SLC6A6: variants seen among roughly 807,000 people sequenced by gnomAD.
SLC6A6 encodes the protein sodium- and chloride-dependent taurine transporter.
In SLC6A6, 16 loss-of-function variants were observed where a neutral mutation model predicts 68.8. The observed-to-expected ratio is 0.23, with a 90% CI of 0.16 to 0.35. The LOEUF (loss-of-function observed/expected upper bound fraction) is 0.35. Among genes scored for constraint, SLC6A6 ranks in the 10% least tolerant of loss-of-function variants. The probability of loss-of-function intolerance (pLI) is 1.00; values close to 1 mark genes in which losing one functional copy is unlikely to be tolerated. For missense variants in SLC6A6, 474 were observed against 802.8 expected (o/e 0.59, Z 4.95); for synonymous variants, 312 against 315.4 (o/e 0.99, Z 0.12).
At chr3:14,433,406 G>A (rs1421606444) in intron 2 of SLC6A6, among the ~76,000 whole-genome samples, 2 of 152,148 alleles carry the variant, frequency 1.3e-5, no homozygotes, top group African/African-American at 2.4e-5. Flanking sequence ...TTAGGTCCTT[G>A]GTCAAGGGGA....
intron 5 of SLC6A6, among the ~76,000 whole-genome samples, chr3:14,453,799 C>T (rs1314857774): frequency 6.6e-6 from 1 of 152,222 alleles, no homozygotes; most frequent in South Asian, 2.1e-4. Flanking sequence ...GGGATGTGGC[C>T]TTTGAGCAGA....
rs529146621 is a variant in SLC6A6 at position 14,410,356 on chromosome 3, T to C, written c.-53-6056T>C. ...GATATTGTTCATGACTCTCACATCC[T>C]GGTTTTGTCACAAGTCACTGGAAAG... On this transcript the variant is annotated intron_variant, in intron 1 of 14. Coordinates refer to ENST00000622186, the MANE Select transcript of SLC6A6 (RefSeq NM_003043.6). Among the ~76,000 whole-genome samples, 60 of 152,262 alleles carry C rather than the reference T, an allele frequency of 3.9e-4. No homozygotes were observed. The East Asian group carries it at 0.011, about 27-fold the overall frequency.
At chr3:14,434,416 A>G (rs1699804291) in intron 2 of SLC6A6, among the ~76,000 whole-genome samples, 1 of 152,138 alleles carries the variant, frequency 6.6e-6, no homozygotes, top group Non-Finnish European at 1.5e-5. Context: ...ATAATTGCTC[A>G]TTTATGTGTT....
chr3:14,472,601 G>C lies in SLC6A6; in HGVS notation c.1209+284G>C, dbSNP rs1700777916. ...AGGGGCATCCAGAGGTTCTCGGAGT[G>C]GGTGGGTTATGACAGGGACAACCAG... On this transcript the variant is annotated intron_variant, in intron 10 of 14. Coordinates refer to ENST00000622186, the MANE Select transcript of SLC6A6 (RefSeq NM_003043.6). The surrounding 1 kb of genome is among the most constrained non-coding windows in gnomAD (Gnocchi z 4.5). Among the ~76,000 whole-genome samples, 1 of 152,252 alleles carries C rather than the reference G, an allele frequency of 6.6e-6. No individual in the cohort carries two copies. Among genetic ancestry groups the C allele is most frequent in the South Asian group, 2.1e-4 (1 of 4,838 alleles).
intron 1 of SLC6A6, among the ~76,000 whole-genome samples, chr3:14,408,346 T>C (rs1192877631): frequency 1.3e-5 from 2 of 152,068 alleles, no homozygotes; most frequent in Non-Finnish European, 2.9e-5. Flanking sequence ...TTTCTTTTTT[T>C]TTTTTTGAGA....
chr3:14,442,031 G>A (rs1700001395), intron 2 of SLC6A6, among the ~76,000 whole-genome samples: 1 of 152,244 alleles, frequency 6.6e-6, no homozygotes, highest in East Asian at 1.9e-4. Flanking sequence ...CTGATGAGAA[G>A]ACAAACTCAG....
intron 2 of SLC6A6, among the ~76,000 whole-genome samples, chr3:14,417,848 A>G (rs946207568): frequency 1.3e-5 from 2 of 151,950 alleles, no homozygotes; most frequent in African/African-American, 4.8e-5. Flanking sequence ...TCTTAATGGC[A>G]TTGCACTGAT....
chr3:14,423,300 G>C (rs1261062489), intron 2 of SLC6A6, among the ~76,000 whole-genome samples: 1 of 152,212 alleles, frequency 6.6e-6, no homozygotes, highest in Non-Finnish European at 1.5e-5. Flanking sequence ...TCATGCCTCG[G>C]TGTGATCTCA....
At chr3:14,403,257 T>C (rs1255010603) in intron 1 of SLC6A6, among the ~76,000 whole-genome samples, 1 of 152,040 alleles carries the variant, frequency 6.6e-6, no homozygotes, top group Non-Finnish European at 1.5e-5. Flanking sequence ...ATGTCTGTTA[T>C]TCTCTGCGTG....
chr3:14,421,394 A>G (rs755821822), intron 2 of SLC6A6, among the ~76,000 whole-genome samples: 3 of 152,180 alleles, frequency 2.0e-5, no homozygotes, highest in African/African-American at 7.2e-5. Flanking sequence ...GACTCTGAGC[A>G]CATCGTTTAA....
rs1053041335 is a variant in SLC6A6, at chr3:14,485,609, C to G, written c.*602C>G. 1 of 152,614 alleles carries G rather than the reference C, an allele frequency of 6.6e-6. No homozygotes were observed. Among genetic ancestry groups the G allele is most frequent in the Non-Finnish European group, 1.5e-5 (1 of 68,064 alleles). 9.5% of individuals were successfully genotyped at this position (152,614 alleles called of 1,614,324 possible). ...AGAAAGGAGGGCTGTGAGGAGATACCTCATTAAACTTGGCTTAGTGAAGAA... is the reference window on the plus strand; with the variant it reads ...AGAAAGGAGGGCTGTGAGGAGATACGTCATTAAACTTGGCTTAGTGAAGAA... On this transcript the variant is annotated 3_prime_UTR_variant, in exon 15 of 15. Transcript: ENST00000622186.
chr3:14,428,908 C>A (rs186949482), intron 2 of SLC6A6, among the ~76,000 whole-genome samples: 20 of 152,312 alleles, frequency 1.3e-4, no homozygotes, highest in African/African-American at 4.3e-4. Flanking sequence ...GTGAGGGGAG[C>A]CCCTAAGTCC....
intron 4 of SLC6A6, 61 bp from the exon 5 acceptor site, chr3:14,447,521 G>T: frequency 6.3e-7 from 1 of 1,593,228 alleles, no homozygotes. Context: ...AGTTGAGTAT[G>T]TGGCCGTGGT....
chr3:14,451,951 T>G (rs1700261297), intron 5 of SLC6A6, among the ~76,000 whole-genome samples: 1 of 152,160 alleles, frequency 6.6e-6, no homozygotes, highest in Non-Finnish European at 1.5e-5. Context: ...CTTTCACTTC[T>G]CTTATATGCC....
rs143337684 is a variant in SLC6A6 at position 14,409,621 on chromosome 3, G to A, written c.-54+6774G>A. On this transcript the variant is annotated intron_variant, in intron 1 of 14. Transcript: ENST00000622186. ...GGGCCAGGGCCAAGAGGGCAGGGAGGAATACACAGCACCTGTGCTCAAGGA... is the reference window on the plus strand; with the variant it reads ...GGGCCAGGGCCAAGAGGGCAGGGAGAAATACACAGCACCTGTGCTCAAGGA... Among the ~76,000 whole-genome samples the A allele has an allele frequency of 3.0e-4, 46 of 152,338 alleles. No individual in the cohort carries two copies. In the East Asian group the frequency reaches 7.9e-3, roughly 26 times the overall value.
At chr3:14,418,978 CA>C (rs1234658120) in intron 2 of SLC6A6, among the ~76,000 whole-genome samples, 3 of 152,196 alleles carry the variant, frequency 2.0e-5, no homozygotes, top group Admixed American at 6.5e-5. Context: ...AATGAGTAGT[CA>C]AAGCACCTGG....
chr3:14,478,615 C>A, intron 12 of SLC6A6, 47 bp downstream of exon 12: 5 of 1,176,024 alleles, frequency 4.3e-6, no homozygotes, highest in African/African-American at 1.5e-5. Flanking sequence ...CTCCTTTGGG[C>A]TTCTCTACTT....
chr3:14,427,182 G>T (rs1179278290), intron 2 of SLC6A6, among the ~76,000 whole-genome samples: 1 of 145,654 alleles, frequency 6.9e-6, no homozygotes, highest in Non-Finnish European at 1.5e-5. Flanking sequence ...CACAATAATT[G>T]CAGCTGTCCT....
intron 2 of SLC6A6, among the ~76,000 whole-genome samples, chr3:14,442,895 G>A (rs1342145635): frequency 6.6e-6 from 1 of 152,146 alleles, no homozygotes; most frequent in Non-Finnish European, 1.5e-5. Flanking sequence ...GGACAAATGG[G>A]GATGAACAAG....
Sources: gnomAD v4.1 joint callset for allele counts (sites outside exome capture counted in the v4.1 genomes callset) on GRCh38, gnomAD v4.1.1 for gene constraint, Gnocchi (gnomAD v3.1) non-coding constraint, MANE v1.5 for transcripts, NCBI Gene and HGNC (gene_info 2026-07-23, HGNC 2026-07-21) for gene names.